C8orf74: variants seen among roughly 807,000 people sequenced by gnomAD.
C8orf74 encodes uncharacterized protein C8orf74.
In C8orf74, 29 loss-of-function variants were observed where a neutral mutation model predicts 22.2. The observed-to-expected ratio is 1.31, with a 90% confidence interval of 0.97 to 1.78. The LOEUF (loss-of-function observed/expected upper bound fraction) is 1.78. Among genes scored for constraint, C8orf74 ranks in the 40% most tolerant of loss-of-function variants. The probability of loss-of-function intolerance (pLI) is 0.00; values close to 1 mark genes in which losing one functional copy is unlikely to be tolerated. For synonymous variants in C8orf74, 255 were observed against 163.1 expected, an observed-to-expected ratio of 1.56 and a Z score of -4.30; for missense variants, 515 against 369.9, an observed-to-expected ratio of 1.39 and a Z score of -3.22.
intron 2 of C8orf74, chr8:10,691,205 G>A: frequency 6.1e-6 from 2 of 326,940 alleles, no homozygotes; most frequent in South Asian, 2.5e-5. Flanking sequence ...CCAGGACAAG[G>A]TCTACACTTG....
intron 2 of C8orf74, chr8:10,687,165 T>C: frequency 2.2e-6 from 1 of 456,030 alleles, no homozygotes; most frequent in Middle Eastern, 3.3e-4. Flanking sequence ...GACAATGGCA[T>C]TACTTATTGA....
chr8:10,677,045 A>G (rs1311252551), intron 2 of C8orf74, among the ~76,000 whole-genome samples: 1 of 152,216 alleles, frequency 6.6e-6, no homozygotes, highest in Non-Finnish European at 1.5e-5. Context: ...AACACAGCAC[A>G]GCTATGTCTC....
intron 3 of C8orf74, among the ~76,000 whole-genome samples, chr8:10,698,906 CACA>C (rs1799591245): frequency 1.3e-5 from 1 of 76,058 alleles, no homozygotes; most frequent in African/African-American, 6.3e-5. Context: ...ACACACCACA[CACA>C]CACACACACA....
chr8:10,680,364 G>C (rs982359315), intron 2 of C8orf74, among the ~76,000 whole-genome samples: 2 of 152,228 alleles, frequency 1.3e-5, no homozygotes, highest in Non-Finnish European at 2.9e-5. Flanking sequence ...AAATGAATCA[G>C]ACATGCAGCA....
chr8:10,684,895 T>C (rs1326221939), intron 2 of C8orf74, among the ~76,000 whole-genome samples: 1 of 152,130 alleles, frequency 6.6e-6, no homozygotes, highest in African/African-American at 2.4e-5. Flanking sequence ...GACTTGAGCA[T>C]GAACGCTGAG....
intron 2 of C8orf74, among the ~76,000 whole-genome samples, chr8:10,695,195 T>G (rs1183314426): frequency 6.6e-6 from 1 of 152,200 alleles, no homozygotes; most frequent in African/African-American, 2.4e-5. Context: ...TGTACGAAGC[T>G]GGACATCTTA....
At position 10,700,481 on chromosome 8, in the gene C8orf74, A is replaced by C; in HGVS notation, c.*10A>C. 1 of 1,523,788 alleles carries C rather than the reference A, an allele frequency of 6.6e-7. No homozygotes were observed. Among genetic ancestry groups the C allele is most frequent in the Non-Finnish European group, 8.9e-7 (1 of 1,127,932 alleles). 94.4% of individuals were successfully genotyped at this position (1,523,788 alleles called of 1,614,324 possible). A position where few individuals can be genotyped will look rare whatever the true frequency, so the allele number is the denominator to read the frequency against. On this transcript the variant is annotated 3_prime_UTR_variant, in exon 4 of 4. Transcript: ENST00000304519. ...GAAGGCAAGGAAGTAGAAGGTCCCG[A>C]CTGCCACACGAGACTGACTGGGGAC...
At position 10,700,426 on chromosome 8, in the gene C8orf74, G is replaced by GC. The variant is rs559787601; in HGVS notation, c.844dup (p.Gln282ProfsTer38). On this transcript the variant is annotated frameshift_variant, in exon 4 of 4. Coordinates refer to ENST00000304519, the MANE Select transcript of C8orf74 (RefSeq NM_001040032.2). LOFTEE classifies it high-confidence loss of function. ...ACGCAGGCCAGGAGGAAGCCCTGAAGCCCCAAAGAGCGAGCAAAGGAAAGA... is the reference window on the plus strand; with the variant it reads ...ACGCAGGCCAGGAGGAAGCCCTGAAGCCCCCAAAGAGCGAGCAAAGGAAAGA... 1.4e-3 allele frequency: 2,307 copies of GC among 1,591,048 alleles called. 4 individuals carry two copies. The highest frequency in any genetic ancestry group is 1.8e-3 in the Non-Finnish European group (2,080 of 1,167,674).
intron 2 of C8orf74, among the ~76,000 whole-genome samples, chr8:10,693,819 T>C (rs1484444374): frequency 1.2e-4 from 18 of 152,206 alleles, no homozygotes; most frequent in African/African-American, 4.1e-4. Flanking sequence ...TCAGATCTGC[T>C]CCTTCTGTGC....
intron 2 of C8orf74, among the ~76,000 whole-genome samples, chr8:10,683,300 TGCCCTTTG>T (rs1181661729): frequency 6.6e-6 from 1 of 152,254 alleles, no homozygotes; most frequent in Non-Finnish European, 1.5e-5. Context: ...GGGTGAGTTG[TGCCCTTTG>T]GCTAAGGTGT....
chr8:10,679,050 G>A (rs1278694030), intron 2 of C8orf74, among the ~76,000 whole-genome samples: 2 of 152,200 alleles, frequency 1.3e-5, no homozygotes, highest in Non-Finnish European at 2.9e-5. Flanking sequence ...GGCCCAGGCT[G>A]AGCCCTACAT....
chr8:10,697,837 C>G lies in C8orf74; in HGVS notation c.480C>G (p.Asp160Glu), dbSNP rs543617995. The G allele has an allele frequency of 6.2e-7, 1 of 1,613,756 alleles. No individual in the cohort carries two copies. Among genetic ancestry groups the G allele is most frequent in the African/African-American group, 1.3e-5 (1 of 75,086 alleles). ...PLPLAEGMDRDLWIHEQQVAT... is the reference protein window; with the variant it reads ...PLPLAEGMDRELWIHEQQVAT... ...CGCTGGCCGAGGGCATGGACAGGGACTTGTGGATCCACGAGCAGCAGGTGG... is the reference window on the plus strand; with the variant it reads ...CGCTGGCCGAGGGCATGGACAGGGAGTTGTGGATCCACGAGCAGCAGGTGG... Residue 160 changes from aspartate to glutamate, a missense_variant, in exon 3 of 4, where the codon GAC (aspartate) becomes GAG (glutamate). Asp to Glu is a conservative substitution (Grantham distance 45). Coordinates refer to ENST00000304519, the MANE Select transcript of C8orf74 (RefSeq NM_001040032.2).
rs1054421610 is a variant in C8orf74, at chr8:10,700,220, C to A, written c.649-15C>A. The A allele has an allele frequency of 1.9e-6, 3 of 1,566,490 alleles. No homozygotes were observed. In the African/African-American group the frequency reaches 4.1e-5, roughly 21 times the overall value. The stretch of plus-strand genomic sequence containing the variant: ...CTCCCCAGCCCTGCTCATCGGCCTT[C>A]CCCTTTCCTTCCAGGAGTTGGAGAG... On this transcript the variant is annotated splice_polypyrimidine_tract_variant and intron_variant, in intron 3 of 3. Transcript: ENST00000304519.
At position 10,700,396 on chromosome 8, in the gene C8orf74, C is replaced by G. The variant is rs781682797; in HGVS notation, c.810C>G (p.Thr270=). The G allele has an allele frequency of 6.8e-6, 11 of 1,612,652 alleles. No individual in the cohort carries two copies. The highest frequency in any genetic ancestry group is 9.3e-6 in the Non-Finnish European group (11 of 1,179,300). The part of the protein sequence containing the change: ...NAPTPIPPPI[T]SHAGQEEALK... Reference sequence around the variant, plus strand: ...CCACCCCTATCCCGCCCCCCATCACCAGCCACGCAGGCCAGGAGGAAGCCC... The same window carrying G: ...CCACCCCTATCCCGCCCCCCATCACGAGCCACGCAGGCCAGGAGGAAGCCC... Residue 270 remains threonine, a synonymous_variant, in exon 4 of 4, where the codon ACC becomes ACG. Transcript: ENST00000304519.
intron 2 of C8orf74, chr8:10,688,310 A>T (rs1799304532): frequency 6.6e-6 from 1 of 152,192 alleles, no homozygotes; most frequent in Non-Finnish European, 1.5e-5. Flanking sequence ...CTAACATCAT[A>T]GTTGGGCCAG....
At chr8:10,687,104 C>A (rs550542684) in intron 2 of C8orf74, 1 of 456,244 alleles carries the variant, frequency 2.2e-6, no homozygotes, top group South Asian at 1.5e-5. Flanking sequence ...CCCACACAGC[C>A]CACCAGCTGT....
At chr8:10,689,395 A>C (rs1799327346) in intron 2 of C8orf74, 1 of 152,232 alleles carries the variant, frequency 6.6e-6, no homozygotes. Flanking sequence ...TTTGAGAAGC[A>C]TTGCAAACGC....
At chr8:10,673,976 C>A (rs982012422) in intron 1 of C8orf74, among the ~76,000 whole-genome samples, 1 of 146,790 alleles carries the variant, frequency 6.8e-6, no homozygotes, top group Non-Finnish European at 1.5e-5. Flanking sequence ...ATCCCACAAC[C>A]CCCATATCAT....
At position 10,699,534 on chromosome 8, in the gene C8orf74, G is replaced by C. The variant is rs574820048; in HGVS notation, c.649-701G>C. Among the ~76,000 whole-genome samples, 3 of 152,324 alleles carry C rather than the reference G, an allele frequency of 2.0e-5. No homozygotes were observed. In the South Asian group the frequency reaches 6.2e-4, roughly 32 times the overall value. ...TAGCTCCTATGCTGTGTGGTTGCTC[G>C]GGCAAGGAACCTAGAGAAACACAGT... On this transcript the variant is annotated intron_variant, in intron 3 of 3. Coordinates refer to ENST00000304519, the MANE Select transcript of C8orf74 (RefSeq NM_001040032.2).
Sources: gnomAD v4.1 joint callset for allele counts (sites outside exome capture counted in the v4.1 genomes callset) on GRCh38, gnomAD v4.1.1 for gene constraint, MANE v1.5 for transcripts, NCBI Gene and HGNC (gene_info 2026-07-23, HGNC 2026-07-21) for gene names.